The following ZNF738 variants were observed in gnomAD, a reference collection of about 807,000 sequenced individuals.
ZNF738 encodes protein ZNF738.
A neutral mutation model predicts 9.2 loss-of-function variants in ZNF738; 10 were observed. The ratio of observed to expected loss-of-function variants is 1.09; its 90% CI spans 0.67 to 1.85. ZNF738 has a LOEUF of 1.85. Ranked by LOEUF, ZNF738 falls within the 40% of genes most tolerant of loss-of-function variation. The pLI is 0.00. For missense variants in ZNF738, 346 were observed against 283.6 expected, an observed-to-expected ratio of 1.22 and a Z score of -1.58; for synonymous variants, 113 against 94.5, an observed-to-expected ratio of 1.20 and a Z score of -1.14.
rs1320094387 is a variant in ZNF738 at position 21,375,336 on chromosome 19, A to G, written c.195A>G (p.Leu65=). Residue 65 remains leucine, a synonymous_variant, in exon 3 of 5, where the codon TTA becomes TTG. Transcript: ENST00000683779. ...AQQDLYRKVM[L]ENFRNLVFLG... is the part of the protein sequence containing the mutation. ...AAGATTTGTATAGGAAAGTGATGTTAGAGAACTTCAGAAACCTGGTGTTCT... is the reference window on the plus strand; with the variant it reads ...AAGATTTGTATAGGAAAGTGATGTTGGAGAACTTCAGAAACCTGGTGTTCT... The G allele has an allele frequency of 1.0e-6, 1 of 984,042 alleles. No homozygotes were observed. Among genetic ancestry groups the G allele is most frequent in the Non-Finnish European group, 1.6e-6 (1 of 609,526 alleles). 61.0% of individuals were successfully genotyped at this position (984,042 alleles called of 1,614,324 possible).
intron 4 of ZNF738, chr19:21,381,432 G>C: frequency 6.7e-7 from 1 of 1,490,170 alleles, no homozygotes. Flanking sequence ...GTATAAGAAA[G>C]GCCATTACAG....
intron 4 of ZNF738, chr19:21,381,500 T>C: frequency 9.9e-7 from 1 of 1,014,412 alleles, no homozygotes; most frequent in African/African-American, 1.6e-5. Flanking sequence ...TTTTTCTTTT[T>C]CTTTTTTTTT....
Position 21,383,707 on chromosome 19 carries a change from T to A in ZNF738, c.*33T>A, listed in dbSNP as rs1045103678. On this transcript the variant is annotated 3_prime_UTR_variant, in exon 5 of 5. Coordinates refer to ENST00000683779, the MANE Select transcript of ZNF738 (RefSeq NM_001355237.2). ...AAGCCTTTAATGTATTCGCAACCCT[T>A]ACTAGACATAAGATAATTCATACTG... The A allele has an allele frequency of 7.8e-6, 8 of 1,019,870 alleles. No individual in the cohort carries two copies. Among genetic ancestry groups the A allele is most frequent in the Non-Finnish European group, 1.1e-5 (7 of 652,820 alleles). 63.2% of individuals were successfully genotyped at this position (1,019,870 alleles called of 1,614,324 possible).
rs758185101 is a variant in ZNF738 at position 21,386,308 on chromosome 19, A to G, written c.*2634A>G. The G allele has an allele frequency of 6.7e-6, 2 of 300,468 alleles. No individual in the cohort carries two copies. The highest frequency in any genetic ancestry group is 8.6e-5 in the East Asian group (1 of 11,616). The allele number at this position is 300,468 out of a possible 1,614,324, so 18.6% of individuals were successfully genotyped here. ...TTTTAACTAATCCTCAACCCTTACTACACATAAGATAATTAATGCTGGAGG... is the reference window on the plus strand; with the variant it reads ...TTTTAACTAATCCTCAACCCTTACTGCACATAAGATAATTAATGCTGGAGG... On this transcript the variant is annotated 3_prime_UTR_variant, in exon 5 of 5. Transcript: ENST00000683779.
At chr19:21,381,328 A>G in intron 4 of ZNF738, 2 of 1,553,430 alleles carry the variant, frequency 1.3e-6, no homozygotes, top group South Asian at 1.1e-5. Context: ...CCGCTCCTAA[A>G]ACTGTTAGCT....
intron 1 of ZNF738, among the ~76,000 whole-genome samples, chr19:21,360,885 G>A (rs542519660): frequency 6.7e-6 from 1 of 149,412 alleles, no homozygotes; most frequent in East Asian, 2.0e-4. Flanking sequence ...GCACATTCTC[G>A]GCTCACCACA....
At chr19:21,360,836 C>CTTTTCT (rs1555726581) in intron 1 of ZNF738, among the ~76,000 whole-genome samples, 2 of 148,368 alleles carry the variant, frequency 1.3e-5, no homozygotes, top group African/African-American at 4.9e-5. Context: ...TTTTTCTTTT[C>CTTTTCT]TTTTTTTTTT....
At chr19:21,364,460 G>A (rs57847044) in intron 2 of ZNF738, among the ~76,000 whole-genome samples, 3,558 of 152,096 alleles carry the variant, frequency 0.023, 148 homozygotes, top group African/African-American at 0.077. Flanking sequence ...GTAGCTCAAA[G>A]TTCAGTAGCC....
intron 2 of ZNF738, among the ~76,000 whole-genome samples, chr19:21,368,817 A>G (rs1406725674): frequency 2.7e-5 from 4 of 149,620 alleles, no homozygotes; most frequent in African/African-American, 9.9e-5. Flanking sequence ...GCTTACTGCA[A>G]CCTCCACCTC....
intron 4 of ZNF738, chr19:21,381,339 T>C: frequency 2.0e-6 from 3 of 1,534,808 alleles, no homozygotes; most frequent in Non-Finnish European, 2.7e-6. Context: ...ACTGTTAGCT[T>C]TGCTTTCTTT....
chr19:21,369,647 A>G (rs1973830732), intron 2 of ZNF738, among the ~76,000 whole-genome samples: 1 of 152,092 alleles, frequency 6.6e-6, no homozygotes. Context: ...TTCTTTTCAT[A>G]TTCCTGTCAG....
rs147309910 is a variant in ZNF738, at chr19:21,383,611, G to A, written c.1065G>A (p.Trp355Ter). 4.9e-3 allele frequency: 4,523 copies of A among 915,140 alleles called. 13 individuals carry two copies. The highest frequency in any genetic ancestry group is 6.7e-3 in the Non-Finnish European group (3,841 of 576,796). 56.7% of individuals were successfully genotyped at this position (915,140 alleles called of 1,614,324 possible). A position where few individuals can be genotyped will look rare whatever the true frequency, so the allele number is the denominator to read the frequency against. Residue 355 changes from tryptophan to a stop codon, truncating the protein, a stop_gained, in exon 5 of 5, where the codon TGG becomes TGA. Transcript: ENST00000683779. LOFTEE classifies it low-confidence loss of function (END_TRUNC). Reference protein sequence around the residue: ...KCEECGKAFNWYSHLTRHKII... With the variant: ...KCEECGKAFN ...AGGAATGTGGCAAAGCTTTTAATTG[G>A]TACTCACACCTTACCAGACATAAGA...
Position 21,386,525 on chromosome 19 carries a change from CT to C in ZNF738, c.*2855del. 1 of 380,964 alleles carries C rather than the reference CT, an allele frequency of 2.6e-6. No individual in the cohort carries two copies. Among genetic ancestry groups the C allele is most frequent in the South Asian group, 2.4e-5 (1 of 41,110 alleles). The allele number at this position is 380,964 out of a possible 1,614,324, so 23.6% of individuals were successfully genotyped here. Reference sequence around the variant, plus strand: ...CACAACTGTGAAGAATGTGGCAAAGCTTTTAACCAGTCCTACAAACCTTTTT... The same window carrying C: ...CACAACTGTGAAGAATGTGGCAAAGCTTTAACCAGTCCTACAAACCTTTTT... On this transcript the variant is annotated 3_prime_UTR_variant, in exon 5 of 5. Transcript: ENST00000683779.
chr19:21,361,763 T>C lies in ZNF738; in HGVS notation c.4-3T>C, dbSNP rs1973697008. Reference sequence around the variant, plus strand: ...TCAGCTTCTGGTTTATTTTCTCCCATAGGACGACCTGAGGTATGGAGTGTA... The same window carrying C: ...TCAGCTTCTGGTTTATTTTCTCCCACAGGACGACCTGAGGTATGGAGTGTA... On this transcript the variant is annotated splice_polypyrimidine_tract_variant and splice_region_variant and intron_variant, in intron 1 of 4. Transcript: ENST00000683779. 1 of 780,416 alleles carries C rather than the reference T, an allele frequency of 1.3e-6. No homozygotes were observed. The highest frequency in any genetic ancestry group is 1.7e-5 in the Admixed American group (1 of 58,976). The allele number at this position is 780,416 out of a possible 1,614,324, so 48.3% of individuals were successfully genotyped here.
intron 2 of ZNF738, chr19:21,372,533 G>A (rs1372817754): frequency 6.6e-6 from 1 of 152,184 alleles, no homozygotes; most frequent in Non-Finnish European, 1.5e-5. Flanking sequence ...TACATTTTAA[G>A]ATCTTAATTT....
At position 21,384,648 on chromosome 19, in the gene ZNF738, C is replaced by T. The variant is rs1390761933; in HGVS notation, c.*974C>T. On this transcript the variant is annotated 3_prime_UTR_variant, in exon 5 of 5. Transcript: ENST00000683779. ...AAACCTTACTAATCATAAGATAACTCATACTGGAGAGAAACCCTACAAATG... is the reference window on the plus strand; with the variant it reads ...AAACCTTACTAATCATAAGATAACTTATACTGGAGAGAAACCCTACAAATG... Among the ~76,000 whole-genome samples, 1 of 152,074 alleles carries T rather than the reference C, an allele frequency of 6.6e-6. No individual in the cohort carries two copies. Among genetic ancestry groups the T allele is most frequent in the Non-Finnish European group, 1.5e-5 (1 of 68,016 alleles).
chr19:21,388,513 ATAT>A lies in ZNF738; in HGVS notation c.*4845_*4847del, dbSNP rs530399660. Among the ~76,000 whole-genome samples, 61 of 152,270 alleles carry A rather than the reference ATAT, an allele frequency of 4.0e-4. 1 individual carries two copies. Among genetic ancestry groups the A allele is most frequent in the Admixed American group, 2.7e-3 (42 of 15,292 alleles). On this transcript the variant is annotated 3_prime_UTR_variant, in exon 5 of 5. Coordinates refer to ENST00000683779, the MANE Select transcript of ZNF738 (RefSeq NM_001355237.2). ...TTTGCATTATGAGAAAACTAGTAGT[ATAT>A]TATTAGTATATTATTGTACTAATTG... is the stretch of plus-strand genomic sequence containing the variant.
At chr19:21,361,629 T>C (rs540502862) in intron 1 of ZNF738, 137 bp from the exon 2 acceptor site, 2 of 667,796 alleles carry the variant, frequency 3.0e-6, no homozygotes, top group Admixed American at 4.5e-5. Flanking sequence ...TATGGGGTGA[T>C]GTGTCCTCAG....
At chr19:21,380,764 TAA>T (rs1485505295) in intron 4 of ZNF738, among the ~76,000 whole-genome samples, 1 of 152,098 alleles carries the variant, frequency 6.6e-6, no homozygotes, top group African/African-American at 2.4e-5. Context: ...AAGGCTATAT[TAA>T]GTTTGGGTGG....
Sources: allele counts gnomAD v4.1 joint callset (sites outside exome capture counted in the v4.1 genomes callset), GRCh38; gene constraint gnomAD v4.1.1; transcripts MANE v1.5; gene names NCBI Gene and HGNC (gene_info 2026-07-23, HGNC 2026-07-21).